Variants in HPSE2 observed in about 807,000 individuals in gnomAD.
HPSE2 encodes inactive heparanase-2.
HPSE2 carries 38 observed loss-of-function variants against 60.5 expected under a neutral mutation model. That is an observed-to-expected ratio of 0.63 (90% CI 0.48 to 0.82). The LOEUF is 0.82. Ranked by LOEUF, HPSE2 falls within the 40% of genes least tolerant of loss-of-function variation. The pLI is 0.00. For synonymous variants in HPSE2, 295 were observed against 293.2 expected, an observed-to-expected ratio of 1.01 and a Z score of -0.06; for missense variants, 713 against 740.4, an observed-to-expected ratio of 0.96 and a Z score of 0.43.
intron 6 of HPSE2, among the ~76,000 whole-genome samples, chr10:98,690,114 T>C (rs1216540034): frequency 1.3e-5 from 2 of 152,232 alleles, no homozygotes; most frequent in Non-Finnish European, 1.5e-5. Context: ...ATTTTTACCT[T>C]GGAGTTCCTT....
chr10:98,898,489 G>A (rs1255458541), intron 3 of HPSE2, among the ~76,000 whole-genome samples: 2 of 152,044 alleles, frequency 1.3e-5, no homozygotes, highest in Non-Finnish European at 2.9e-5. Flanking sequence ...GGTATGGTAC[G>A]GTATGATTCC....
intron 3 of HPSE2, chr10:99,047,884 T>C (rs769886061): frequency 5.2e-6 from 4 of 766,082 alleles, no homozygotes; most frequent in East Asian, 2.4e-5. Flanking sequence ...GCAACTTTAA[T>C]GTACCTTCAG....
chr10:99,007,635 T>C (rs1035140556), intron 3 of HPSE2, among the ~76,000 whole-genome samples: 13 of 152,188 alleles, frequency 8.5e-5, no homozygotes, highest in African/African-American at 3.1e-4. Context: ...TTAAAATATA[T>C]ATAAATAAGA....
At chr10:98,840,554 G>C (rs1951886744) in intron 3 of HPSE2, among the ~76,000 whole-genome samples, 1 of 152,166 alleles carries the variant, frequency 6.6e-6, no homozygotes, top group Non-Finnish European at 1.5e-5. Context: ...CAGGGAAGCG[G>C]GAAAAGCAGA....
intron 6 of HPSE2, among the ~76,000 whole-genome samples, chr10:98,660,498 A>C (rs1947193378): frequency 6.6e-6 from 1 of 152,236 alleles, no homozygotes; most frequent in African/African-American, 2.4e-5. Flanking sequence ...ATTAGCCACT[A>C]TTAAAAACGT....
At chr10:98,616,822 C>T (rs1418426357) in intron 8 of HPSE2, among the ~76,000 whole-genome samples, 1 of 152,146 alleles carries the variant, frequency 6.6e-6, no homozygotes, top group African/African-American at 2.4e-5. Context: ...CATGGCTAAG[C>T]AAGCTACTTG....
chr10:98,842,605 T>C (rs569101226), intron 3 of HPSE2, among the ~76,000 whole-genome samples: 1 of 151,662 alleles, frequency 6.6e-6, no homozygotes, highest in Non-Finnish European at 1.5e-5. Flanking sequence ...ACAGATTTCC[T>C]ATATATGCCC....
intron 2 of HPSE2, among the ~76,000 whole-genome samples, chr10:99,227,020 GAAATA>G (rs1195858607): frequency 4.6e-5 from 7 of 151,976 alleles, no homozygotes; most frequent in East Asian, 1.9e-4. Flanking sequence ...ACCATTATGT[GAAATA>G]AAATGAGATA....
chr10:98,764,727 C>T (rs1381934196), intron 3 of HPSE2, among the ~76,000 whole-genome samples: 1 of 151,962 alleles, frequency 6.6e-6, no homozygotes, highest in Non-Finnish European at 1.5e-5. Context: ...TGTGGTGGCA[C>T]GTGCCTGTAA....
chr10:98,635,562 C>T (rs1157484446), intron 7 of HPSE2, among the ~76,000 whole-genome samples: 2 of 152,072 alleles, frequency 1.3e-5, no homozygotes, highest in Non-Finnish European at 2.9e-5. Flanking sequence ...AGGAGAGTCA[C>T]TTGAGACCAG....
intron 7 of HPSE2, among the ~76,000 whole-genome samples, chr10:98,626,341 T>C (rs1177663045): frequency 1.3e-5 from 2 of 152,220 alleles, no homozygotes; most frequent in Non-Finnish European, 2.9e-5. Flanking sequence ...ATTGTACATT[T>C]GTATAATTAT....
chr10:98,669,448 G>A (rs184543665), intron 6 of HPSE2, among the ~76,000 whole-genome samples: 1 of 152,318 alleles, frequency 6.6e-6, no homozygotes, highest in East Asian at 1.9e-4. Context: ...GTTCATGGCT[G>A]CATTATTCAC....
chr10:99,101,902 A>G (rs1001514623), intron 3 of HPSE2, among the ~76,000 whole-genome samples: 10 of 152,278 alleles, frequency 6.6e-5, no homozygotes, highest in Non-Finnish European at 1.2e-4. Flanking sequence ...CATAACGAAA[A>G]GAAGGCAGAA....
At chr10:98,727,668 A>C (rs1949122047) in intron 4 of HPSE2, among the ~76,000 whole-genome samples, 1 of 135,232 alleles carries the variant, frequency 7.4e-6, no homozygotes, top group African/African-American at 2.5e-5. Context: ...AAAAACAAAA[A>C]ACAACAACAA....
intron 2 of HPSE2, 37 bp from the exon 3 acceptor site, chr10:99,144,436 T>C (rs771259309): frequency 5.6e-6 from 9 of 1,607,550 alleles, no homozygotes; most frequent in Non-Finnish European, 7.6e-6. Context: ...CAGCAAAAAC[T>C]AAAACAAAAC....
In HPSE2 at chr10:99,056,536, C is replaced by G. The variant is rs181202584; in HGVS notation, c.610+87702G>C. On this transcript the variant is annotated intron_variant, in intron 3 of 11. Coordinates refer to ENST00000370552, the MANE Select transcript of HPSE2 (RefSeq NM_021828.5). ...ATAAACCAATAGCCCAAATCCTCAA[C>G]TAAGTTCTGGGAAGGGTGGTCTTTT... Among the ~76,000 whole-genome samples, 1,034 of 152,278 alleles carry G rather than the reference C, an allele frequency of 6.8e-3. 9 individuals carry two copies. The highest frequency in any genetic ancestry group is 1.0e-2 in the Non-Finnish European group (677 of 67,984).
In HPSE2 at chr10:98,921,279, T is replaced by C. The variant is rs1010714300; in HGVS notation, c.611-177223A>G. On this transcript the variant is annotated intron_variant, in intron 3 of 11. Transcript: ENST00000370552. The stretch of plus-strand genomic sequence containing the variant: ...AAATTATGTATGTCATTGTTGTTAG[T>C]GGAAGCATCTGCTCTGAGAATAAAT... Among the ~76,000 whole-genome samples the C allele has an allele frequency of 3.3e-5, 5 of 152,314 alleles. No individual in the cohort carries two copies. The East Asian group carries it at 7.7e-4, about 24-fold the overall frequency.
At chr10:99,061,957 G>C (rs927083448) in intron 3 of HPSE2, among the ~76,000 whole-genome samples, 1 of 152,190 alleles carries the variant, frequency 6.6e-6, no homozygotes, top group African/African-American at 2.4e-5. Flanking sequence ...ACTATAGTAA[G>C]GTCATGGTGG....
intron 3 of HPSE2, among the ~76,000 whole-genome samples, chr10:99,110,485 G>A (rs1844416700): frequency 1.3e-5 from 2 of 152,088 alleles, no homozygotes; most frequent in Non-Finnish European, 1.5e-5. Flanking sequence ...CTTTGGAGAA[G>A]TAAGACTCAA....
Sources: allele counts gnomAD v4.1 joint callset (sites outside exome capture counted in the v4.1 genomes callset), GRCh38; gene constraint gnomAD v4.1.1; transcripts MANE v1.5; gene names NCBI Gene and HGNC (gene_info 2026-07-23, HGNC 2026-07-21).